The following RAP1GAP2 variants were observed in gnomAD, a reference collection of about 807,000 sequenced individuals.
The protein encoded by RAP1GAP2 is RAP1 GTPase activating protein 2.
RAP1GAP2 carries 27 observed loss-of-function variants against 95.0 expected under a neutral mutation model. The ratio of observed to expected loss-of-function variants is 0.28; its 90% CI spans 0.21 to 0.39. The LOEUF is 0.39. Among genes scored for constraint, RAP1GAP2 ranks in the 10% least tolerant of loss-of-function variants. The probability of loss-of-function intolerance (pLI) is 1.00; values close to 1 mark genes in which losing one functional copy is unlikely to be tolerated. For missense variants in RAP1GAP2, 771 were observed against 970.0 expected, an observed-to-expected ratio of 0.79 and a Z score of 2.72; for synonymous variants, 373 against 380.9, an observed-to-expected ratio of 0.98 and a Z score of 0.24.
chr17:3,008,153 C>G lies in RAP1GAP2; in HGVS notation c.1494+8C>G. On this transcript the variant is annotated splice_region_variant and intron_variant, in intron 17 of 24. Transcript: ENST00000254695. The surrounding 1 kb of genome is among the most constrained non-coding windows in gnomAD (Gnocchi z 4.2). ...TTCCTGGAGTCTTTTAAGGTATGAG[C>G]GTCAGAGTGACTGATGGTTGCTGTG... 5.6e-6 allele frequency: 9 copies of G among 1,613,734 alleles called. No individual in the cohort carries two copies. The highest frequency in any genetic ancestry group is 7.6e-6 in the Non-Finnish European group (9 of 1,179,754).
intron 2 of RAP1GAP2, among the ~76,000 whole-genome samples, chr17:2,833,328 G>A (rs2151551969): frequency 6.6e-6 from 1 of 151,544 alleles, no homozygotes; most frequent in East Asian, 2.0e-4. Flanking sequence ...GTAGAGATGA[G>A]GTTTCACCAT....
At chr17:2,919,567 T>A (rs1325747894) in intron 3 of RAP1GAP2, among the ~76,000 whole-genome samples, 1 of 150,858 alleles carries the variant, frequency 6.6e-6, no homozygotes, top group Non-Finnish European at 1.5e-5. Context: ...GGGCAGGGCC[T>A]AAAAGCCATG....
intron 2 of RAP1GAP2, among the ~76,000 whole-genome samples, chr17:2,852,135 G>A (rs2071879316): frequency 6.6e-6 from 1 of 152,136 alleles, no homozygotes; most frequent in African/African-American, 2.4e-5. Context: ...ATGCTGCTGG[G>A]AGCTCTTCCC....
chr17:2,980,261 G>A (rs767851752), intron 8 of RAP1GAP2, 26 bp from the exon 9 acceptor site: 10 of 1,611,786 alleles, frequency 6.2e-6, no homozygotes, highest in Admixed American at 1.7e-5. Flanking sequence ...TCTTAGGGAT[G>A]TCCTTTTTTC....
chr17:2,878,679 C>T (rs1385293532), intron 2 of RAP1GAP2, among the ~76,000 whole-genome samples: 4 of 152,202 alleles, frequency 2.6e-5, no homozygotes, highest in Non-Finnish European at 4.4e-5. Flanking sequence ...GAGGCGGCAG[C>T]CTGTGGGCCC....
intron 2 of RAP1GAP2, among the ~76,000 whole-genome samples, chr17:2,824,627 C>G (rs2070460931): frequency 6.7e-6 from 1 of 150,120 alleles, no homozygotes; most frequent in Non-Finnish European, 1.5e-5. Flanking sequence ...GTAATCCTAG[C>G]TACTCGGGAG....
chr17:2,766,724 G>A (rs1454007937), intron 1 of RAP1GAP2, among the ~76,000 whole-genome samples: 1 of 152,214 alleles, frequency 6.6e-6, no homozygotes, highest in Non-Finnish European at 1.5e-5. Flanking sequence ...TGCATGCCAG[G>A]AAGAGGGCCC....
At chr17:2,910,507 G>A (rs1176307226) in intron 3 of RAP1GAP2, among the ~76,000 whole-genome samples, 1 of 152,114 alleles carries the variant, frequency 6.6e-6, no homozygotes, top group Non-Finnish European at 1.5e-5. Context: ...TTTGAGCCTC[G>A]GGCAGTGGGA....
chr17:2,877,545 C>T (rs1442509994), intron 2 of RAP1GAP2, among the ~76,000 whole-genome samples: 1 of 152,010 alleles, frequency 6.6e-6, no homozygotes, highest in Admixed American at 6.6e-5. Context: ...GTCAGGAGTT[C>T]AAGACCAGCC....
chr17:2,952,192 A>G (rs911764599), intron 3 of RAP1GAP2, among the ~76,000 whole-genome samples: 5 of 152,130 alleles, frequency 3.3e-5, no homozygotes, highest in African/African-American at 9.7e-5. Flanking sequence ...ATACAAACAC[A>G]TTCTTTATGT....
chr17:2,882,061 C>G (rs2073319499), intron 2 of RAP1GAP2, among the ~76,000 whole-genome samples: 1 of 150,736 alleles, frequency 6.6e-6, no homozygotes, highest in Admixed American at 6.6e-5. Flanking sequence ...ACCTCGTGAT[C>G]CACTTGCCTC....
In RAP1GAP2 at chr17:2,926,464, G is replaced by A. The variant is rs150085415; in HGVS notation, c.165+21096G>A. Among the ~76,000 whole-genome samples, 724 of 152,280 alleles carry A rather than the reference G, an allele frequency of 4.8e-3. 5 individuals carry two copies. The highest frequency in any genetic ancestry group is 7.2e-3 in the Non-Finnish European group (487 of 68,026). ...AGCTCACTGCACACTGTGAATATGT[G>A]CCCCAGAGCATCGCAGTTTTGAGGA... On this transcript the variant is annotated intron_variant, in intron 3 of 24. Coordinates refer to ENST00000254695, the MANE Select transcript of RAP1GAP2 (RefSeq NM_015085.5).
chr17:2,930,633 G>T (rs993768734), intron 3 of RAP1GAP2, among the ~76,000 whole-genome samples: 1 of 152,174 alleles, frequency 6.6e-6, no homozygotes, highest in Admixed American at 6.6e-5. Flanking sequence ...CAGAGGCATC[G>T]CTCTCTTTTG....
At chr17:2,916,945 C>T (rs763332719) in intron 3 of RAP1GAP2, among the ~76,000 whole-genome samples, 11 of 152,164 alleles carry the variant, frequency 7.2e-5, no homozygotes, top group African/African-American at 2.4e-4. Context: ...TAATAGGGTG[C>T]GAGCCACGGG....
At chr17:2,852,165 T>G (rs558288747) in intron 2 of RAP1GAP2, among the ~76,000 whole-genome samples, 1 of 152,190 alleles carries the variant, frequency 6.6e-6, no homozygotes. Context: ...CCAAGGACAC[T>G]CATTTTATTC....
chr17:2,776,172 CTG>C (rs2068494536), upstream of RAP1GAP2, among the ~76,000 whole-genome samples: 1 of 116,068 alleles, frequency 8.6e-6, no homozygotes, highest in Non-Finnish European at 1.9e-5. Context: ...GAGCAAGACT[CTG>C]TCTCATAAAA....
intron 3 of RAP1GAP2, among the ~76,000 whole-genome samples, chr17:2,920,988 C>T (rs1263137014): frequency 1.3e-5 from 2 of 152,098 alleles, no homozygotes; most frequent in Non-Finnish European, 2.9e-5. Flanking sequence ...GAAGGGATGT[C>T]CCCTGCGTAG....
chr17:3,006,002 G>A lies in RAP1GAP2; in HGVS notation c.1320G>A (p.Glu440=), dbSNP rs1203083533. 1 of 1,613,522 alleles carries A rather than the reference G, an allele frequency of 6.2e-7. No homozygotes were observed. The highest frequency in any genetic ancestry group is 1.7e-5 in the Admixed American group (1 of 60,008). ...TGCTCACCAAGCTCACCAATGCCGA[G>A]AACGCCTGCTGCAAGTCGGACAAGT... ...EFLLTKLTNA[E]NACCKSDKFA... is the part of the protein sequence containing the mutation. Residue 440 remains glutamate, a synonymous_variant, in exon 16 of 25, where the codon GAG becomes GAA. Transcript: ENST00000254695.
chr17:2,887,272 G>C (rs2073535709), intron 2 of RAP1GAP2, among the ~76,000 whole-genome samples: 1 of 151,972 alleles, frequency 6.6e-6, no homozygotes, highest in African/African-American at 2.4e-5. Flanking sequence ...TGCCCAGGCT[G>C]GTCTTGAATT....
Sources: allele counts gnomAD v4.1 joint callset (sites outside exome capture counted in the v4.1 genomes callset), GRCh38; gene constraint gnomAD v4.1.1; non-coding constraint Gnocchi (gnomAD v3.1); transcripts MANE v1.5; gene names NCBI Gene and HGNC (gene_info 2026-07-23, HGNC 2026-07-21).